The following ATP12A variants were observed in gnomAD, a reference collection of about 807,000 sequenced individuals.
ATP12A encodes ATPase H+/K+ transporting non-gastric alpha2 subunit.
ATP12A carries 81 observed loss-of-function variants against 111.2 expected under a neutral mutation model. The ratio of observed to expected loss-of-function variants is 0.73; its 90% CI spans 0.61 to 0.88. ATP12A has a LOEUF of 0.88. Ranked by LOEUF, ATP12A falls within the 40% of genes least tolerant of loss-of-function variation. The pLI is 0.00. For missense variants in ATP12A, 1,196 were observed against 1,313.1 expected, an observed-to-expected ratio of 0.91 and a Z score of 1.38; for synonymous variants, 498 against 499.8, an observed-to-expected ratio of 1.00 and a Z score of 0.05.
chr13:24,704,733 T>C, intron 14 of ATP12A: 1 of 233,200 alleles, frequency 4.3e-6, no homozygotes. Flanking sequence ...GGAAGGTGCA[T>C]TGAAATGACT....
At chr13:24,692,131 C>T (rs543448569) in intron 8 of ATP12A, among the ~76,000 whole-genome samples, 27 of 152,268 alleles carry the variant, frequency 1.8e-4, no homozygotes, top group African/African-American at 6.3e-4. Flanking sequence ...TACGTGAACA[C>T]GAGCCACAGC....
chr13:24,685,186 C>T lies in ATP12A; in HGVS notation c.169-128C>T, dbSNP rs1874623818. On this transcript the variant is annotated intron_variant, in intron 2 of 22. Coordinates refer to ENST00000381946, the MANE Select transcript of ATP12A (RefSeq NM_001676.7). The surrounding 1 kb of genome is among the most constrained non-coding windows in gnomAD (Gnocchi z 5.5). The stretch of plus-strand genomic sequence containing the variant: ...GCACAGGGGTTCTTTCTCTCCTGTC[C>T]CCCACACTCCTCGATCCCCTCCCAT... 3.6e-6 allele frequency: 3 copies of T among 828,338 alleles called. No homozygotes were observed. Among genetic ancestry groups the T allele is most frequent in the African/African-American group, 3.3e-5 (2 of 60,050 alleles). The allele number at this position is 828,338 out of a possible 1,614,324, so 51.3% of individuals were successfully genotyped here.
chr13:24,701,152 C>G (rs1279972604), intron 13 of ATP12A, among the ~76,000 whole-genome samples: 7 of 152,116 alleles, frequency 4.6e-5, no homozygotes, highest in African/African-American at 1.7e-4. Flanking sequence ...TGAGAAGAAT[C>G]TCCTAGTGCC....
At chr13:24,694,632 A>T in intron 11 of ATP12A, 54 bp downstream of exon 11, 1 of 1,608,802 alleles carries the variant, frequency 6.2e-7, no homozygotes, top group East Asian at 2.2e-5. Context: ...TGACCTTTCT[A>T]CTTGCATGCA....
In ATP12A at chr13:24,685,253, T is replaced by C. The variant is rs917920680; in HGVS notation, c.169-61T>C. The C allele has an allele frequency of 4.6e-6, 7 of 1,537,978 alleles. No homozygotes were observed. The highest frequency in any genetic ancestry group is 6.3e-6 in the Non-Finnish European group (7 of 1,110,914). On this transcript the variant is annotated intron_variant, in intron 2 of 22. Transcript: ENST00000381946. The surrounding 1 kb of genome is among the most constrained non-coding windows in gnomAD (Gnocchi z 5.5). ...CCCAGCTTCCATGGCTGGTCAAAGC[T>C]TGGGGCTTGAGTCTTTTGGAATTAT...
intron 2 of ATP12A, among the ~76,000 whole-genome samples, chr13:24,682,313 T>TGTGTGGTGTGTGTGTAGC (rs1874505158): frequency 2.2e-5 from 3 of 139,496 alleles, no homozygotes; most frequent in African/African-American, 5.5e-5. Flanking sequence ...GTGCATGGTA[T>TGTGTGGTGTGTGTGTAGC]GTGTGGTGTG....
intron 2 of ATP12A, among the ~76,000 whole-genome samples, chr13:24,683,723 C>T (rs1874566961): frequency 6.6e-6 from 1 of 151,916 alleles, no homozygotes; most frequent in East Asian, 1.9e-4. Flanking sequence ...TTTTTTCTAC[C>T]TCTTAAGGGT....
chr13:24,698,693 G>A lies in ATP12A; in HGVS notation c.1548G>A (p.Lys516=), dbSNP rs769087318. The A allele has an allele frequency of 6.2e-7, 1 of 1,613,874 alleles. No individual in the cohort carries two copies. The part of the protein sequence containing the change: ...SIHEMDDPHG[K]RFLMVMKGAP... ...ACGAGATGGATGACCCCCACGGCAA[G>A]CGCTTCCTCATGGTGATGAAGGGGG... The change falls in exon 12 of 23, where the codon AAG becomes AAA. Residue 516 remains lysine (K), a synonymous_variant. Transcript: ENST00000381946.
chr13:24,710,788 G>T lies in ATP12A; in HGVS notation c.2898-4G>T, dbSNP rs1257980506. 4 of 1,613,878 alleles carry T rather than the reference G, an allele frequency of 2.5e-6. No individual in the cohort carries two copies. The highest frequency in any genetic ancestry group is 3.4e-6 in the Non-Finnish European group (4 of 1,179,922). The stretch of plus-strand genomic sequence containing the variant: ...AAGTCTGTCTGCTTTTGTGTGTCTT[G>T]CAGAAATAAAGTCATCTGGGTGGGG... On this transcript the variant is annotated splice_polypyrimidine_tract_variant and splice_region_variant and intron_variant, in intron 20 of 22. Coordinates refer to ENST00000381946, the MANE Select transcript of ATP12A (RefSeq NM_001676.7).
intron 5 of ATP12A, among the ~76,000 whole-genome samples, chr13:24,689,918 G>A (rs1257402286): frequency 1.3e-5 from 2 of 152,076 alleles, no homozygotes; most frequent in African/African-American, 4.8e-5. Context: ...ACACTCGCAA[G>A]ATTATCAGCC....
chr13:24,701,810 G>A, intron 13 of ATP12A, 125 bp from the exon 14 acceptor site: 1 of 1,243,540 alleles, frequency 8.0e-7, no homozygotes, highest in African/African-American at 1.5e-5. Flanking sequence ...TAGATCCAGA[G>A]CTGCCACTGT....
chr13:24,695,600 C>CTTTTT lies in ATP12A; in HGVS notation c.1512+1042_1512+1046dup, dbSNP rs34227271. ...TGGAATTTAGGGTTAGGGAAGAACTCTTTTTTTTTTTTTTTTTTTTTTTTG... is the reference window on the plus strand; with the variant it reads ...TGGAATTTAGGGTTAGGGAAGAACTCTTTTTTTTTTTTTTTTTTTTTTTTTTTTTG... On this transcript the variant is annotated intron_variant, in intron 11 of 22. Coordinates refer to ENST00000381946, the MANE Select transcript of ATP12A (RefSeq NM_001676.7). Among the ~76,000 whole-genome samples the CTTTTT allele has an allele frequency of 5.9e-3, 520 of 88,398 alleles. 9 individuals are homozygous for CTTTTT. Among genetic ancestry groups the CTTTTT allele is most frequent in the African/African-American group, 0.011 (236 of 20,854 alleles). 58.0% of individuals were successfully genotyped at this position (88,398 alleles called of 152,430 possible).
At chr13:24,706,187 A>G (rs753972978) in intron 14 of ATP12A, 126 bp from the exon 15 acceptor site, 26 of 1,248,470 alleles carry the variant, frequency 2.1e-5, no homozygotes, top group Non-Finnish European at 2.8e-5. Context: ...TCACTAGAGC[A>G]TTAGGTATCA....
intron 5 of ATP12A, among the ~76,000 whole-genome samples, chr13:24,689,758 G>A (rs903029565): frequency 6.6e-6 from 1 of 152,102 alleles, no homozygotes; most frequent in Non-Finnish European, 1.5e-5. Context: ...ATTTGGTGGG[G>A]AAGCCCAGTG....
chr13:24,690,316 C>T, intron 5 of ATP12A, 22 bp from the exon 6 acceptor site: 3 of 1,612,508 alleles, frequency 1.9e-6, no homozygotes, highest in Non-Finnish European at 2.5e-6. Flanking sequence ...TCTGAGGCAT[C>T]TGTCATGGTT....
In ATP12A at chr13:24,680,637, A is replaced by AGCCACT. The variant is rs1185004778; in HGVS notation, c.-95_-90dup. On this transcript the variant is annotated 5_prime_UTR_variant, in exon 1 of 23. Transcript: ENST00000381946. ...CCGGTATCTCCACCGCCAACACCTC[A>AGCCACT]GCCACTGCCACTGCCACAGCCACAC... The AGCCACT allele has an allele frequency of 1.0e-5, 14 of 1,341,096 alleles. No individual in the cohort carries two copies. Among genetic ancestry groups the AGCCACT allele is most frequent in the South Asian group, 3.9e-5 (3 of 76,220 alleles). 83.1% of individuals were successfully genotyped at this position (1,341,096 alleles called of 1,614,324 possible). A position where few individuals can be genotyped will look rare whatever the true frequency, so the allele number is the denominator to read the frequency against.
In ATP12A at chr13:24,690,264, G is replaced by C. The variant is rs758197580; in HGVS notation, c.547-74G>C. 9 of 1,576,206 alleles carry C rather than the reference G, an allele frequency of 5.7e-6. No individual in the cohort carries two copies. In the South Asian group the frequency reaches 9.6e-5, roughly 17 times the overall value. On this transcript the variant is annotated intron_variant, in intron 5 of 22. Transcript: ENST00000381946. ...TTCCAAGGCCTCTGTCCTGGGGTTCGGTGCGGCACAGACTTGGGGGAGGGC... is the reference window on the plus strand; with the variant it reads ...TTCCAAGGCCTCTGTCCTGGGGTTCCGTGCGGCACAGACTTGGGGGAGGGC...
At chr13:24,708,207 G>A (rs1448437130) in intron 17 of ATP12A, among the ~76,000 whole-genome samples, 2 of 152,118 alleles carry the variant, frequency 1.3e-5, no homozygotes, top group African/African-American at 2.4e-5. Context: ...ACTTTATAAA[G>A]CCTTGCCCTA....
rs372609202 is a variant in ATP12A, at chr13:24,694,584, T to C, written c.1512+6T>C. On this transcript the variant is annotated splice_donor_region_variant and intron_variant, in intron 11 of 22. Coordinates refer to ENST00000381946, the MANE Select transcript of ATP12A (RefSeq NM_001676.7). Reference sequence around the variant, plus strand: ...ACTCTACTAATAAATTTCAGGTGAGTTTTTCCTCACAACCGGTAATCTCTG... The same window carrying C: ...ACTCTACTAATAAATTTCAGGTGAGCTTTTCCTCACAACCGGTAATCTCTG... 5.2e-5 allele frequency: 84 copies of C among 1,611,798 alleles called. No individual in the cohort carries two copies. The highest frequency in any genetic ancestry group is 1.0e-4 in the Admixed American group (6 of 59,904).
Sources: allele counts gnomAD v4.1 joint callset (sites outside exome capture counted in the v4.1 genomes callset), GRCh38; gene constraint gnomAD v4.1.1; non-coding constraint Gnocchi (gnomAD v3.1); transcripts MANE v1.5; gene names NCBI Gene and HGNC (gene_info 2026-07-23, HGNC 2026-07-21).